The following KIF18A variants were observed in gnomAD, a reference collection of about 807,000 sequenced individuals.
KIF18A encodes the protein kinesin-like protein KIF18A.
KIF18A carries 67 observed loss-of-function variants against 103.3 expected under a neutral mutation model. The ratio of observed to expected loss-of-function variants is 0.65; its 90% CI spans 0.53 to 0.79. The LOEUF is 0.79. Ranked by LOEUF, KIF18A falls within the 30% of genes least tolerant of loss-of-function variation. KIF18A has a pLI of 0.00. For synonymous variants in KIF18A, 367 were observed against 355.5 expected (o/e 1.03, Z -0.36); for missense variants, 1,032 against 1,062.5 (o/e 0.97, Z 0.40).
chr11:28,021,340 C>A, intron 16 of KIF18A, 58 bp from the exon 17 acceptor site: 1 of 1,201,582 alleles, frequency 8.3e-7, no homozygotes. Flanking sequence ...AAAAAGTTTT[C>A]ATCGTTCAAC....
At chr11:28,095,705 A>G (rs1565091227) in intron 2 of KIF18A, among the ~76,000 whole-genome samples, 2 of 152,072 alleles carry the variant, frequency 1.3e-5, no homozygotes. Flanking sequence ...ATTTCTTCCA[A>G]TGTATAAAAA....
intron 15 of KIF18A, 73 bp from the exon 16 acceptor site, chr11:28,023,923 G>A: frequency 3.1e-6 from 2 of 635,970 alleles, no homozygotes; most frequent in Non-Finnish European, 5.4e-6. Context: ...TATTGTACAT[G>A]CGACAATGAT....
At chr11:28,075,847 A>T (rs1034044686) in intron 10 of KIF18A, among the ~76,000 whole-genome samples, 16 of 152,176 alleles carry the variant, frequency 1.1e-4, no homozygotes, top group South Asian at 4.1e-4. Flanking sequence ...TAATTGACCA[A>T]CTTTAGGGGT....
At chr11:28,023,244 C>T (rs919857692) in intron 16 of KIF18A, among the ~76,000 whole-genome samples, 1 of 152,058 alleles carries the variant, frequency 6.6e-6, no homozygotes, top group Admixed American at 6.5e-5. Context: ...TGGGAAAGAT[C>T]CATCAGTATC....
chr11:28,103,319 TAA>T (rs771639394), intron 1 of KIF18A, among the ~76,000 whole-genome samples: 2 of 135,790 alleles, frequency 1.5e-5, no homozygotes, highest in African/African-American at 2.7e-5. Context: ...ATGCAAAAAT[TAA>T]AAAAAAAAAA....
intron 10 of KIF18A, among the ~76,000 whole-genome samples, chr11:28,070,312 A>C (rs1428453799): frequency 6.6e-6 from 1 of 152,212 alleles, no homozygotes; most frequent in African/African-American, 2.4e-5. Flanking sequence ...TGTACTATTG[A>C]GACTTGGGCA....
intron 13 of KIF18A, among the ~76,000 whole-genome samples, chr11:28,054,679 T>C (rs939390802): frequency 2.0e-5 from 3 of 152,084 alleles, no homozygotes; most frequent in African/African-American, 7.2e-5. Context: ...ATTCATGAAA[T>C]GGAAAATACA....
rs1373157375 is a variant in KIF18A, at chr11:28,035,374, T to G, written c.2504+13A>C. ...ATAACTACAGAACCAAACCAGTTTA[T>G]GTTTAATCATACCTTGTTAATTTCC... On this transcript the variant is annotated intron_variant, in intron 15 of 16. Transcript: ENST00000263181. 6.7e-7 allele frequency: 1 copy of G among 1,483,524 alleles called. No individual in the cohort carries two copies. Among genetic ancestry groups the G allele is most frequent in the Non-Finnish European group, 9.3e-7 (1 of 1,070,494 alleles). 91.9% of individuals were successfully genotyped at this position (1,483,524 alleles called of 1,614,324 possible). A position where few individuals can be genotyped will look rare whatever the true frequency, so the allele number is the denominator to read the frequency against.
chr11:28,028,373 C>T (rs1291824598), intron 15 of KIF18A, among the ~76,000 whole-genome samples: 2 of 152,226 alleles, frequency 1.3e-5, no homozygotes, highest in South Asian at 2.1e-4. Flanking sequence ...GATTAAGACA[C>T]TCACTCAAAA....
chr11:28,081,269 A>G (rs979747557), intron 9 of KIF18A, among the ~76,000 whole-genome samples: 2 of 152,190 alleles, frequency 1.3e-5, no homozygotes, highest in Non-Finnish European at 2.9e-5. Context: ...AAGATAGACA[A>G]ATCAGCTTTT....
intron 6 of KIF18A, among the ~76,000 whole-genome samples, chr11:28,086,509 C>G (rs1462551033): frequency 6.6e-6 from 1 of 152,138 alleles, no homozygotes; most frequent in Non-Finnish European, 1.5e-5. Flanking sequence ...AGAACAGATT[C>G]TTTACAATGT....
At chr11:28,105,863 A>C (rs1376778613) in intron 1 of KIF18A, among the ~76,000 whole-genome samples, 1 of 152,236 alleles carries the variant, frequency 6.6e-6, no homozygotes, top group African/African-American at 2.4e-5. Flanking sequence ...CTCATGCATT[A>C]TAGTAAACAC....
chr11:28,021,837 C>T (rs570321790), intron 16 of KIF18A, among the ~76,000 whole-genome samples: 2 of 152,290 alleles, frequency 1.3e-5, no homozygotes, highest in South Asian at 4.1e-4. Context: ...TTCTACTCAA[C>T]AAAGTGTTGT....
intron 11 of KIF18A, among the ~76,000 whole-genome samples, chr11:28,066,782 AATTATATTATATTATATTAT>A (rs11273276): frequency 0.24 from 34,448 of 142,294 alleles, 4,383 homozygotes; most frequent in African/African-American, 0.28. Flanking sequence ...CTGGAAGAGA[AATTATATTATATTATATTAT>A]ATTATATTAT....
At chr11:28,099,895 G>A (rs905676930) in intron 1 of KIF18A, among the ~76,000 whole-genome samples, 3 of 152,164 alleles carry the variant, frequency 2.0e-5, no homozygotes, top group African/African-American at 7.2e-5. Flanking sequence ...CACTCTCACT[G>A]CTATGTGGAT....
In KIF18A at chr11:28,036,213, G is replaced by T. The variant is rs780497633; in HGVS notation, c.2396+4C>A. On this transcript the variant is annotated splice_donor_region_variant and intron_variant, in intron 14 of 16. Coordinates refer to ENST00000263181, the MANE Select transcript of KIF18A (RefSeq NM_031217.4). ...AAGAATTGGCAAATATTATTTTTTT[G>T]TACCGTTGTAAAATGTCTTTGTTAT... The T allele has an allele frequency of 7.2e-6, 11 of 1,525,882 alleles. No individual in the cohort carries two copies. The highest frequency in any genetic ancestry group is 5.0e-5 in the South Asian group (4 of 79,390). The allele number at this position is 1,525,882 out of a possible 1,614,324, so 94.5% of individuals were successfully genotyped here.
chr11:28,077,303 G>A, intron 9 of KIF18A, 134 bp from the exon 10 acceptor site: 3 of 541,026 alleles, frequency 5.5e-6, no homozygotes, highest in Non-Finnish European at 6.3e-6. Context: ...ACAGCAAATA[G>A]GTAAAAATGA....
At chr11:28,023,087 C>T (rs1850266517) in intron 16 of KIF18A, among the ~76,000 whole-genome samples, 1 of 152,120 alleles carries the variant, frequency 6.6e-6, no homozygotes, top group Admixed American at 6.5e-5. Flanking sequence ...GTCTTAGGAA[C>T]TGTAGTATCA....
Position 28,084,737 on chromosome 11 carries a change from G to C in KIF18A, c.969C>G (p.Asn323Lys). ...TRLLKDSLGGNCQTIMIAAVS... is the reference protein window; with the variant it reads ...TRLLKDSLGGKCQTIMIAAVS... ...CAGCAGCTATCATTATAGTTTGACA[G>C]TTTCCTCCAAGAGAATCCTTTAACA... is the stretch of plus-strand genomic sequence containing the variant. Residue 323 changes from asparagine (N) to lysine (K), a missense_variant, in exon 7 of 17, where the codon AAC (asparagine) becomes AAG (lysine). Transcript: ENST00000263181. 3.1e-6 allele frequency: 5 copies of C among 1,612,188 alleles called. No homozygotes were observed. The highest frequency in any genetic ancestry group is 4.2e-6 in the Non-Finnish European group (5 of 1,178,318).
Sources: gnomAD v4.1 joint callset for allele counts (sites outside exome capture counted in the v4.1 genomes callset) on GRCh38, gnomAD v4.1.1 for gene constraint, MANE v1.5 for transcripts, NCBI Gene and HGNC (gene_info 2026-07-23, HGNC 2026-07-21) for gene names.